GALNT13: variants seen among roughly 807,000 people sequenced by gnomAD.
GALNT13 encodes UDP-GalNAc:polypeptide N-acetylgalactosaminyltransferase 13.
Under a neutral mutation model 64.2 loss-of-function variants are expected in GALNT13, and 28 were observed. The ratio of observed to expected loss-of-function variants is 0.44; its 90% CI spans 0.32 to 0.60. The LOEUF is 0.60. Among genes scored for constraint, GALNT13 ranks in the 20% least tolerant of loss-of-function variants. GALNT13 has a pLI of 0.05. For missense variants in GALNT13, 577 were observed against 669.8 expected (o/e 0.86, Z 1.53); for synonymous variants, 214 against 224.6 (o/e 0.95, Z 0.42).
the GALNT13 span, among the ~76,000 whole-genome samples, chr2:153,585,514 A>C: frequency 6.6e-6 from 1 of 152,228 alleles, no homozygotes; most frequent in Non-Finnish European, 1.5e-5. Context: ...TATTTAACAA[A>C]ATAATAGATG....
chr2:153,801,659 G>T, the GALNT13 span, among the ~76,000 whole-genome samples: 731 of 152,204 alleles, frequency 4.8e-3, 3 homozygotes, highest in African/African-American at 0.017. Context: ...ATAATGAAAA[G>T]TTTCAAATAT....
intron 3 of GALNT13, among the ~76,000 whole-genome samples, chr2:154,108,000 GTGT>G (rs935152166): frequency 3.3e-5 from 5 of 151,944 alleles, no homozygotes; most frequent in African/African-American, 1.2e-4. Flanking sequence ...ATTCATTTGT[GTGT>G]TGTTGTACAC....
At chr2:153,153,438 T>C in the GALNT13 span, among the ~76,000 whole-genome samples, 1 of 152,158 alleles carries the variant, frequency 6.6e-6, no homozygotes. Flanking sequence ...CAATTGCTTT[T>C]GGCATCCTAT....
chr2:154,211,629 C>CAAAAAAAAAAAA (rs140095331), intron 4 of GALNT13, among the ~76,000 whole-genome samples: 11 of 37,934 alleles, frequency 2.9e-4, no homozygotes, highest in East Asian at 8.8e-4. Flanking sequence ...ACTCCATCTC[C>CAAAAAAAAAAAA]AAAAAAAAAA....
At chr2:153,551,291 G>A in the GALNT13 span, among the ~76,000 whole-genome samples, 1 of 152,326 alleles carries the variant, frequency 6.6e-6, no homozygotes, top group Admixed American at 6.5e-5. Context: ...TCATGACAGA[G>A]GATCTGGATG....
At chr2:153,257,622 G>A in the GALNT13 span, among the ~76,000 whole-genome samples, 1 of 152,040 alleles carries the variant, frequency 6.6e-6, no homozygotes, top group Non-Finnish European at 1.5e-5. Flanking sequence ...TTGTTTATCA[G>A]AGCCAAGAAA....
chr2:153,362,341 T>C, the GALNT13 span, among the ~76,000 whole-genome samples: 1 of 152,122 alleles, frequency 6.6e-6, no homozygotes, highest in South Asian at 2.1e-4. Flanking sequence ...AATAACCAGC[T>C]AGCATCATGA....
chr2:153,932,579 G>A (rs962938046), intron 2 of GALNT13, among the ~76,000 whole-genome samples: 2 of 143,202 alleles, frequency 1.4e-5, no homozygotes, highest in East Asian at 2.0e-4. Flanking sequence ...GTAATTGTAT[G>A]TTTTTGACAG....
the GALNT13 span, among the ~76,000 whole-genome samples, chr2:153,304,229 G>A: frequency 6.7e-6 from 1 of 149,182 alleles, no homozygotes; most frequent in Admixed American, 6.8e-5. Context: ...AATAGAATGG[G>A]AAGTAGATAT....
chr2:153,219,869 G>A, the GALNT13 span, among the ~76,000 whole-genome samples: 8 of 152,150 alleles, frequency 5.3e-5, no homozygotes, highest in South Asian at 2.1e-4. Flanking sequence ...GTAGAATGTC[G>A]TATCTTCTTT....
chr2:153,796,773 G>A, the GALNT13 span, among the ~76,000 whole-genome samples: 1 of 152,154 alleles, frequency 6.6e-6, no homozygotes, highest in Non-Finnish European at 1.5e-5. Context: ...TTGTTTCACA[G>A]TACTTTCTTT....
intron 7 of GALNT13, among the ~76,000 whole-genome samples, chr2:154,253,055 CT>C (rs1690174408): frequency 6.6e-6 from 1 of 152,068 alleles, no homozygotes; most frequent in African/African-American, 2.4e-5. Flanking sequence ...TAGATAATAT[CT>C]AAAATGTATA....
the GALNT13 span, among the ~76,000 whole-genome samples, chr2:153,846,083 C>G: frequency 6.6e-6 from 1 of 152,164 alleles, no homozygotes; most frequent in East Asian, 1.9e-4. Flanking sequence ...AAGCAGTAAA[C>G]AGTAAAACGA....
intron 9 of GALNT13, among the ~76,000 whole-genome samples, chr2:154,310,346 A>G (rs1693966260): frequency 1.3e-5 from 2 of 152,182 alleles, no homozygotes; most frequent in African/African-American, 2.4e-5. Flanking sequence ...CCTACGTCAG[A>G]GGCAAATGAA....
the GALNT13 span, among the ~76,000 whole-genome samples, chr2:153,621,057 T>C: frequency 6.6e-6 from 1 of 152,106 alleles, no homozygotes; most frequent in Non-Finnish European, 1.5e-5. Flanking sequence ...GAGAATTCTC[T>C]GGATTACCAG....
intron 8 of GALNT13, among the ~76,000 whole-genome samples, chr2:154,262,826 G>A (rs1391442246): frequency 2.6e-5 from 4 of 152,020 alleles, no homozygotes; most frequent in African/African-American, 9.7e-5. Flanking sequence ...GATACATAGG[G>A]GTTGAAATTT....
chr2:153,856,998 A>G, the GALNT13 span, among the ~76,000 whole-genome samples: 2 of 152,160 alleles, frequency 1.3e-5, no homozygotes, highest in Non-Finnish European at 2.9e-5. Flanking sequence ...GGTATATGCA[A>G]AGGAGTGTGA....
chr2:154,182,491 CT>C (rs1288717768), intron 4 of GALNT13, among the ~76,000 whole-genome samples: 7 of 151,970 alleles, frequency 4.6e-5, no homozygotes, highest in East Asian at 1.9e-4. Flanking sequence ...TTCTTTCCCC[CT>C]ATCCATGTGG....
intron 2 of GALNT13, among the ~76,000 whole-genome samples, chr2:153,906,013 C>G (rs1574084033): frequency 6.6e-6 from 1 of 151,846 alleles, no homozygotes; most frequent in Non-Finnish European, 1.5e-5. Context: ...GAAATTTCAT[C>G]AAGCTACACA....
Sources: allele counts gnomAD v4.1 joint callset (sites outside exome capture counted in the v4.1 genomes callset), GRCh38; gene constraint gnomAD v4.1.1; transcripts MANE v1.5; gene names NCBI Gene and HGNC (gene_info 2026-07-23, HGNC 2026-07-21).